SOX5: variants seen among roughly 807,000 people sequenced by gnomAD.
The protein encoded by SOX5 is transcription factor SOX-5.
A neutral mutation model predicts 92.0 loss-of-function variants in SOX5; 9 were observed. The ratio of observed to expected loss-of-function variants is 0.10; its 90% CI spans 0.06 to 0.17. The LOEUF (loss-of-function observed/expected upper bound fraction) is 0.17, where lower values mean the gene tolerates loss of function less well. Ranked by LOEUF, SOX5 falls within the 10% of genes least tolerant of loss-of-function variation. SOX5 has a pLI of 1.00. For synonymous variants in SOX5, 344 were observed against 336.3 expected (o/e 1.02, Z -0.25); for missense variants, 642 against 944.5 (o/e 0.68, Z 4.20).
At chr12:24,042,748 C>T (rs1047220749) in intron 4 of SOX5, among the ~76,000 whole-genome samples, 1 of 152,018 alleles carries the variant, frequency 6.6e-6, no homozygotes, top group Non-Finnish European at 1.5e-5. Context: ...ATAAAGGATG[C>T]TAAAGAAATC....
intron 2 of SOX5, among the ~76,000 whole-genome samples, chr12:24,294,906 T>C (rs1053223200): frequency 2.0e-5 from 3 of 152,198 alleles, no homozygotes; most frequent in Non-Finnish European, 4.4e-5. Flanking sequence ...CTGAAACCTT[T>C]CCTGTTTGAG....
At chr12:24,548,615 A>G (rs940921393) in intron 1 of SOX5, among the ~76,000 whole-genome samples, 2 of 152,204 alleles carry the variant, frequency 1.3e-5, no homozygotes, top group Admixed American at 6.5e-5. Flanking sequence ...AAACACTGGG[A>G]GATGACCAGA....
At chr12:24,371,024 C>A (rs1382140241) in intron 1 of SOX5, among the ~76,000 whole-genome samples, 2 of 152,040 alleles carry the variant, frequency 1.3e-5, no homozygotes, top group Admixed American at 1.3e-4. Flanking sequence ...GATTTTATTC[C>A]ATGAATAGGT....
intron 2 of SOX5, among the ~76,000 whole-genome samples, chr12:24,333,484 G>A (rs554424102): frequency 9.2e-5 from 14 of 152,088 alleles, no homozygotes; most frequent in Non-Finnish European, 1.9e-4. Flanking sequence ...ATCTTAAGGA[G>A]AGCTTATGAC....
intron 6 of SOX5, among the ~76,000 whole-genome samples, chr12:23,714,683 A>G (rs1244042113): frequency 2.0e-5 from 3 of 152,188 alleles, no homozygotes; most frequent in African/African-American, 7.2e-5. Flanking sequence ...ATCATTTTCT[A>G]TGTTAAGTAT....
intron 1 of SOX5, among the ~76,000 whole-genome samples, chr12:24,512,059 A>G (rs1032050253): frequency 6.6e-6 from 1 of 152,328 alleles, no homozygotes; most frequent in Admixed American, 6.5e-5. Flanking sequence ...ATGAAGTACC[A>G]CTATTTAAAT....
chr12:23,819,329 C>G (rs1440561960), intron 3 of SOX5, among the ~76,000 whole-genome samples: 1 of 152,154 alleles, frequency 6.6e-6, no homozygotes, highest in Non-Finnish European at 1.5e-5. Flanking sequence ...TGTCATGTGG[C>G]ACTTGACTGT....
At chr12:24,425,341 C>G (rs79078685) in intron 1 of SOX5, among the ~76,000 whole-genome samples, 5 of 152,170 alleles carry the variant, frequency 3.3e-5, no homozygotes, top group African/African-American at 4.8e-5. Context: ...AGGATTTCAT[C>G]GAATCACCAG....
chr12:24,051,983 T>C (rs34564588), intron 4 of SOX5, among the ~76,000 whole-genome samples: 24,562 of 152,200 alleles, frequency 0.16, 2,293 homozygotes, highest in Middle Eastern at 0.22. Flanking sequence ...TCCGGCCTCA[T>C]CTTATTTAAC....
chr12:23,997,118 GA>G (rs532906081), intron 4 of SOX5, among the ~76,000 whole-genome samples: 4 of 151,942 alleles, frequency 2.6e-5, no homozygotes, highest in Non-Finnish European at 5.9e-5. Context: ...TAAAGACATA[GA>G]AAAAAATAGT....
chr12:23,550,961 A>C (rs1161714613), intron 11 of SOX5, among the ~76,000 whole-genome samples: 1 of 151,960 alleles, frequency 6.6e-6, no homozygotes, highest in Non-Finnish European at 1.5e-5. Context: ...GTCATCTATT[A>C]CTCCCTGAAA....
At chr12:24,388,628 T>C (rs1223900356) in intron 1 of SOX5, among the ~76,000 whole-genome samples, 1 of 152,160 alleles carries the variant, frequency 6.6e-6, no homozygotes, top group East Asian at 1.9e-4. Context: ...GTTTATATAA[T>C]ACAATTCACC....
chr12:24,181,676 G>T (rs1168805412), intron 4 of SOX5, among the ~76,000 whole-genome samples: 1 of 152,114 alleles, frequency 6.6e-6, no homozygotes, highest in Non-Finnish European at 1.5e-5. Flanking sequence ...CAATATTTTA[G>T]AATTAGCTAG....
At chr12:24,470,922 C>T (rs752138286) in intron 1 of SOX5, among the ~76,000 whole-genome samples, 1 of 152,020 alleles carries the variant, frequency 6.6e-6, no homozygotes, top group Non-Finnish European at 1.5e-5. Context: ...CCTGGAATAC[C>T]GTAAATATTT....
At chr12:24,526,288 A>G (rs1950704017) in intron 1 of SOX5, among the ~76,000 whole-genome samples, 1 of 152,310 alleles carries the variant, frequency 6.6e-6, no homozygotes, top group Admixed American at 6.5e-5. Flanking sequence ...ATAACAAGTT[A>G]GCAGGTTGAT....
chr12:24,017,442 C>CA (rs1321262856), intron 4 of SOX5, among the ~76,000 whole-genome samples: 3 of 151,034 alleles, frequency 2.0e-5, no homozygotes, highest in East Asian at 3.9e-4. Context: ...ACTAAAAATG[C>CA]AAAAAAAATT....
At chr12:24,040,240 A>G (rs1956391916) in intron 4 of SOX5, among the ~76,000 whole-genome samples, 1 of 152,188 alleles carries the variant, frequency 6.6e-6, no homozygotes, top group Non-Finnish European at 1.5e-5. Flanking sequence ...TCAGTATTGA[A>G]AATATCTATG....
At chr12:23,779,670 A>G (rs1450813260) in intron 3 of SOX5, among the ~76,000 whole-genome samples, 1 of 150,888 alleles carries the variant, frequency 6.6e-6, no homozygotes, top group Non-Finnish European at 1.5e-5. Flanking sequence ...CCTAAATCCA[A>G]TTTCATGGGA....
chr12:24,210,730 T>C (rs1958518295), intron 4 of SOX5, among the ~76,000 whole-genome samples: 2 of 152,040 alleles, frequency 1.3e-5, no homozygotes, highest in Non-Finnish European at 1.5e-5. Flanking sequence ...ATTCTGTGAA[T>C]TAAAGACATG....
Sources: gnomAD v4.1 joint callset for allele counts (sites outside exome capture counted in the v4.1 genomes callset) on GRCh38, gnomAD v4.1.1 for gene constraint, MANE v1.5 for transcripts, NCBI Gene and HGNC (gene_info 2026-07-23, HGNC 2026-07-21) for gene names.